HSDL2: variants seen among roughly 807,000 people sequenced by gnomAD.
The protein encoded by HSDL2 is hydroxysteroid dehydrogenase like 2.
In HSDL2, 27 loss-of-function variants were observed where a neutral mutation model predicts 46.3. The ratio of observed to expected loss-of-function variants is 0.58; its 90% CI spans 0.43 to 0.80. HSDL2 has a LOEUF of 0.80. HSDL2 is among the 30% of genes least tolerant of loss of function. The probability of loss-of-function intolerance (pLI) is 0.00; values close to 1 mark genes in which losing one functional copy is unlikely to be tolerated. For missense variants in HSDL2, 451 were observed against 502.7 expected (o/e 0.90, Z 0.98); for synonymous variants, 153 against 163.6 (o/e 0.94, Z 0.50).
In HSDL2 at chr9:112,459,498, T is replaced by A; in HGVS notation, c.1065T>A (p.Asn355Lys). The A allele has an allele frequency of 6.2e-7, 1 of 1,613,994 alleles. No homozygotes were observed. The highest frequency in any genetic ancestry group is 8.5e-7 in the Non-Finnish European group (1 of 1,179,834). ...WFLDLKSKGG[N>K]VGYGEPSDQA... ...TTGATCTGAAAAGCAAGGGTGGGAA[T>A]GTCGGATATGGAGAGCCTTCTGATC... Residue 355 changes from asparagine (N) to lysine (K), a missense_variant, in exon 10 of 11, where the codon AAT becomes AAA. Transcript: ENST00000398805.
At chr9:112,450,223 A>C (rs925315553) in intron 8 of HSDL2, among the ~76,000 whole-genome samples, 9 of 151,134 alleles carry the variant, frequency 6.0e-5, no homozygotes, top group Non-Finnish European at 1.3e-4. Context: ...TGAGGACATG[A>C]GTTCAAGACC....
At chr9:112,470,137 T>C (rs1291355627) in intron 10 of HSDL2, among the ~76,000 whole-genome samples, 1 of 152,226 alleles carries the variant, frequency 6.6e-6, no homozygotes, top group African/African-American at 2.4e-5. Context: ...TTTACCAGAA[T>C]TCATTTGAGG....
At chr9:112,434,620 A>G (rs1564122628) in intron 6 of HSDL2, among the ~76,000 whole-genome samples, 1 of 152,308 alleles carries the variant, frequency 6.6e-6, no homozygotes, top group East Asian at 1.9e-4. Context: ...GGTGCGCTGT[A>G]TAATCAGTGG....
chr9:112,459,119 A>G (rs1295821035), intron 9 of HSDL2, among the ~76,000 whole-genome samples: 1 of 152,156 alleles, frequency 6.6e-6, no homozygotes, highest in Non-Finnish European at 1.5e-5. Context: ...CCCATTCCCC[A>G]TCCCCCAGTC....
At chr9:112,423,266 C>T (rs1382415752) in intron 6 of HSDL2, among the ~76,000 whole-genome samples, 1 of 152,200 alleles carries the variant, frequency 6.6e-6, no homozygotes, top group Non-Finnish European at 1.5e-5. Context: ...TAATAATTGT[C>T]TCTAGCCAAA....
At chr9:112,432,916 C>T (rs1040955355) in intron 6 of HSDL2, among the ~76,000 whole-genome samples, 43 of 151,970 alleles carry the variant, frequency 2.8e-4, no homozygotes, top group Non-Finnish European at 1.6e-4. Context: ...TACAGGCATG[C>T]ACCACCACAC....
At chr9:112,397,011 T>C (rs957272249) in intron 1 of HSDL2, among the ~76,000 whole-genome samples, 4 of 152,298 alleles carry the variant, frequency 2.6e-5, no homozygotes, top group East Asian at 1.9e-4. Context: ...GATTTCCATC[T>C]ATATCAGACT....
At chr9:112,380,269 G>T in intron 1 of HSDL2, 89 bp downstream of exon 1, 4 of 1,353,558 alleles carry the variant, frequency 3.0e-6, no homozygotes, top group Non-Finnish European at 3.0e-6. Flanking sequence ...GGGCTGGCCG[G>T]CCCGGCTGTG....
chr9:112,435,370 A>G (rs1832503297), intron 6 of HSDL2, among the ~76,000 whole-genome samples: 1 of 152,152 alleles, frequency 6.6e-6, no homozygotes, highest in South Asian at 2.1e-4. Flanking sequence ...TAGTCTCAAA[A>G]TAGATTATAC....
rs115306078 is a variant in HSDL2 at position 112,398,037 on chromosome 9, A to G, written c.18-5958A>G. On this transcript the variant is annotated intron_variant, in intron 1 of 10. Transcript: ENST00000398805. Reference sequence around the variant, plus strand: ...AACAGGCACATGAGATGGACTCGGCATAGAAATGACAGGAAAAGTATGTGT... The same window carrying G: ...AACAGGCACATGAGATGGACTCGGCGTAGAAATGACAGGAAAAGTATGTGT... Among the ~76,000 whole-genome samples the G allele has an allele frequency of 9.1e-3, 1,389 of 152,306 alleles. 25 individuals carry two copies. The highest frequency in any genetic ancestry group is 0.031 in the African/African-American group (1,301 of 41,552).
At chr9:112,428,784 C>A (rs1832313089) in intron 6 of HSDL2, among the ~76,000 whole-genome samples, 1 of 152,190 alleles carries the variant, frequency 6.6e-6, no homozygotes, top group African/African-American at 2.4e-5. Flanking sequence ...TTCCTCACAT[C>A]ACTGTTGTCA....
chr9:112,411,902 C>T (rs1831876573), intron 4 of HSDL2, among the ~76,000 whole-genome samples: 1 of 152,030 alleles, frequency 6.6e-6, no homozygotes. Context: ...AAATATAAAC[C>T]TAGCCAGGAA....
chr9:112,432,422 T>A (rs1003434811), intron 6 of HSDL2, among the ~76,000 whole-genome samples: 2 of 152,210 alleles, frequency 1.3e-5, no homozygotes, highest in African/African-American at 4.8e-5. Flanking sequence ...TTTGTTTTAT[T>A]ATAGTCATTG....
chr9:112,467,085 T>G (rs1227767940), intron 10 of HSDL2, among the ~76,000 whole-genome samples: 2 of 152,180 alleles, frequency 1.3e-5, no homozygotes, highest in East Asian at 3.8e-4. Flanking sequence ...TCAAAAGAAT[T>G]GAAAACAGGC....
intron 10 of HSDL2, among the ~76,000 whole-genome samples, chr9:112,460,930 ATATG>A (rs1833190617): frequency 6.6e-6 from 1 of 152,148 alleles, no homozygotes; most frequent in Non-Finnish European, 1.5e-5. Flanking sequence ...AGCATCATAC[ATATG>A]TATATTTGTA....
intron 9 of HSDL2, among the ~76,000 whole-genome samples, chr9:112,454,556 G>T (rs1414188775): frequency 6.6e-6 from 1 of 152,106 alleles, no homozygotes; most frequent in Non-Finnish European, 1.5e-5. Flanking sequence ...ATATTTGAGA[G>T]AAAATCCTGC....
Position 112,409,021 on chromosome 9 carries a change from C to A in HSDL2, c.395C>A (p.Ala132Glu). 6.5e-7 allele frequency: 1 copy of A among 1,550,032 alleles called. No individual in the cohort carries two copies. The highest frequency in any genetic ancestry group is 8.9e-7 in the Non-Finnish European group (1 of 1,127,432). Residue 132 changes from alanine (A) to glutamate (E), a missense_variant and splice_region_variant, in exon 4 of 11, where the codon GCA (alanine) becomes GAA (glutamate). Physicochemically the swap from Ala to Glu is moderately radical, Grantham distance 107. Transcript: ENST00000398805. ...MNVNTRGTYL[A>E]SKACIPYLKK... ...GTGAACACCAGAGGCACCTACCTTG[C>A]GTAAGTTTGCAAGAAGAGTTGTTGG...
chr9:112,424,599 A>C (rs1484208399), intron 6 of HSDL2, among the ~76,000 whole-genome samples: 1 of 151,968 alleles, frequency 6.6e-6, no homozygotes, highest in South Asian at 2.1e-4. Flanking sequence ...AGAGCCCAGC[A>C]ATGCTTTTAA....
intron 10 of HSDL2, among the ~76,000 whole-genome samples, chr9:112,464,211 CAGACACACA>C: frequency 6.6e-6 from 1 of 151,342 alleles, no homozygotes; most frequent in South Asian, 2.1e-4. Context: ...TACACACACA[CAGACACACA>C]CACAGACACA....
Sources: gnomAD v4.1 joint callset for allele counts (sites outside exome capture counted in the v4.1 genomes callset) on GRCh38, gnomAD v4.1.1 for gene constraint, MANE v1.5 for transcripts, NCBI Gene and HGNC (gene_info 2026-07-23, HGNC 2026-07-21) for gene names.